FAM47E: variants seen among roughly 807,000 people sequenced by gnomAD.
FAM47E encodes family with sequence similarity 47 member E.
In FAM47E, 32 loss-of-function variants were observed where a neutral mutation model predicts 41.6. The observed-to-expected ratio is 0.77, with a 90% CI of 0.58 to 1.03. The LOEUF is 1.03. Among genes scored for constraint, FAM47E ranks in the 50% least tolerant of loss-of-function variants. The probability of loss-of-function intolerance (pLI) is 0.00; values close to 1 mark genes in which losing one functional copy is unlikely to be tolerated. For missense variants in FAM47E, 424 were observed against 485.4 expected (o/e 0.87, Z 1.19); for synonymous variants, 184 against 188.7 (o/e 0.98, Z 0.20).
chr4:76,231,527 A>AAAAC (rs58077932), intron 2 of FAM47E, among the ~76,000 whole-genome samples: 6 of 151,780 alleles, frequency 4.0e-5, no homozygotes, highest in African/African-American at 9.7e-5. Context: ...ATTTTTGTTA[A>AAAAC]AAACAAACAA....
At chr4:76,217,068 TTCC>T (rs1251092633) in intron 1 of FAM47E, among the ~76,000 whole-genome samples, 1 of 152,230 alleles carries the variant, frequency 6.6e-6, no homozygotes. Context: ...CCTTTGGGAC[TTCC>T]TCCTCATTTC....
intron 2 of FAM47E, among the ~76,000 whole-genome samples, chr4:76,231,169 T>G (rs1473297841): frequency 2.0e-5 from 3 of 152,234 alleles, no homozygotes; most frequent in African/African-American, 7.2e-5. Flanking sequence ...GACTGATAGC[T>G]ATAGTTATGC....
intron 2 of FAM47E, chr4:76,236,219 GAAAAC>G (rs1733584589): frequency 6.6e-6 from 1 of 152,086 alleles, no homozygotes; most frequent in Non-Finnish European, 1.5e-5. Context: ...GGAAAATAAT[GAAAAC>G]AAACAGATGT....
At chr4:76,252,481 TCTC>T (rs1419121138) in intron 1 of FAM47E, among the ~76,000 whole-genome samples, 3 of 152,252 alleles carry the variant, frequency 2.0e-5, no homozygotes, top group South Asian at 2.1e-4. Context: ...GAAGGCTAGT[TCTC>T]CTCTTGTTTG....
chr4:76,263,037 G>A (rs1273532096), intron 2 of FAM47E, among the ~76,000 whole-genome samples: 1 of 151,990 alleles, frequency 6.6e-6, no homozygotes, highest in Non-Finnish European at 1.5e-5. Flanking sequence ...AAAGCACTGA[G>A]ATTATATGCC....
chr4:76,214,761 T>A (rs559240326), intron 1 of FAM47E, among the ~76,000 whole-genome samples: 2 of 152,340 alleles, frequency 1.3e-5, no homozygotes, highest in South Asian at 4.1e-4. Context: ...GTTCTACTCA[T>A]TTAATACCCT....
At chr4:76,255,041 A>G (rs1222104399) in intron 1 of FAM47E, among the ~76,000 whole-genome samples, 1 of 152,174 alleles carries the variant, frequency 6.6e-6, no homozygotes, top group Non-Finnish European at 1.5e-5. Flanking sequence ...TGGGCAACCA[A>G]TATGCCAATT....
rs1169221984 is a variant in FAM47E, at chr4:76,258,230, CT to C, written c.420+1709del. Among the ~76,000 whole-genome samples, 4 of 152,320 alleles carry C rather than the reference CT, an allele frequency of 2.6e-5. No individual in the cohort carries two copies. In the East Asian group the frequency reaches 7.7e-4, roughly 29 times the overall value. ...AAGATCCAGGTTTAAGCCCTACCCA[CT>C]TAGCAACCCCAGCAGAAAGAGAATG... On this transcript the variant is annotated intron_variant, in intron 2 of 7. Transcript: ENST00000424749.
chr4:76,214,614 G>A lies in FAM47E; in HGVS notation c.-30+190G>A, dbSNP rs1430381949. ...TGGGAAGGAGCTTAAAGCAGGCATC[G>A]CTGGTGTTCTTGCCTGCTTTGCTCA... On this transcript the variant is annotated intron_variant, in intron 1 of 7. Coordinates refer to the FAM47E transcript ENST00000510197. Among the ~76,000 whole-genome samples, 8 of 152,178 alleles carry A rather than the reference G, an allele frequency of 5.3e-5. No homozygotes were observed. In the South Asian group the frequency reaches 1.0e-3, roughly 20 times the overall value.
At chr4:76,271,489 G>T in intron 4 of FAM47E, 79 bp from the exon 5 acceptor site, 4 of 1,488,362 alleles carry the variant, frequency 2.7e-6, no homozygotes, top group Non-Finnish European at 3.6e-6. Flanking sequence ...TTTCCTCAGC[G>T]ATGGCCCTCA....
At position 76,263,833 on chromosome 4, in the gene FAM47E, T is replaced by C; in HGVS notation, c.550T>C (p.Tyr184His). ...KLLKKHSTQV[Y>H]LGPSKKTSVS... ...TTTAAAAAAACATTCTACCCAAGTC[T>C]ACCTGGGACCGTGAGTATTGTTCTT... The change falls in exon 3 of 8, where the codon TAC becomes CAC. Residue 184 changes from tyrosine (Y) to histidine (H), a missense_variant. Coordinates refer to ENST00000424749, the MANE Select transcript of FAM47E (RefSeq NM_001136570.3). The C allele has an allele frequency of 6.4e-7, 1 of 1,551,284 alleles. No individual in the cohort carries two copies.
At chr4:76,251,581 C>A, upstream of FAM47E, 1 of 1,288,790 alleles carries the variant, frequency 7.8e-7, no homozygotes, top group Non-Finnish European at 9.9e-7. Flanking sequence ...AGGTCCACGT[C>A]CCCAGGCGTC....
chr4:76,281,438 C>A (rs542028256), intron 7 of FAM47E: 5 of 151,490 alleles, frequency 3.3e-5, no homozygotes, highest in Middle Eastern at 3.5e-3. Context: ...CAAATAACTG[C>A]CTAATCTGTA....
chr4:76,218,900 G>A (rs1733261119), intron 2 of FAM47E, among the ~76,000 whole-genome samples: 1 of 152,166 alleles, frequency 6.6e-6, no homozygotes, highest in African/African-American at 2.4e-5. Flanking sequence ...CACTATGCTA[G>A]ACAGTGGGCT....
intron 5 of FAM47E, among the ~76,000 whole-genome samples, chr4:76,272,540 C>A (rs1052991202): frequency 6.6e-5 from 10 of 152,284 alleles, no homozygotes; most frequent in Non-Finnish European, 1.3e-4. Flanking sequence ...ACACATTTGC[C>A]AACCTATTTT....
chr4:76,218,006 G>GTGTTA (rs1733243939), intron 2 of FAM47E, among the ~76,000 whole-genome samples: 1 of 152,178 alleles, frequency 6.6e-6, no homozygotes, highest in Non-Finnish European at 1.5e-5. Context: ...TATGTTCAAA[G>GTGTTA]TGTTAATGTG....
At chr4:76,214,179 C>G in exon 1 of FAM47E, 2 of 453,072 alleles carry the variant, frequency 4.4e-6, no homozygotes, top group Non-Finnish European at 8.8e-6. Flanking sequence ...CTGGGACATT[C>G]CCCTGCTCTA....
chr4:76,254,931 A>T (rs1734126584), intron 1 of FAM47E, among the ~76,000 whole-genome samples: 1 of 152,118 alleles, frequency 6.6e-6, no homozygotes, highest in African/African-American at 2.4e-5. Flanking sequence ...CTCAATGCTA[A>T]CAGGGCGCTG....
chr4:76,214,283 A>C (rs2109975525), exon 1 of FAM47E: 1 of 456,162 alleles, frequency 2.2e-6, no homozygotes, highest in Non-Finnish European at 4.4e-6. Context: ...TCATGCCAGC[A>C]AGCATGTTCT....
Sources: allele counts gnomAD v4.1 joint callset (sites outside exome capture counted in the v4.1 genomes callset), GRCh38; gene constraint gnomAD v4.1.1; transcripts MANE v1.5; gene names NCBI Gene and HGNC (gene_info 2026-07-23, HGNC 2026-07-21).